The following ZFAND3 variants were observed in gnomAD, a reference collection of about 807,000 sequenced individuals.
The protein encoded by ZFAND3 is zinc finger AN1-type containing 3, also known as AN1-type zinc finger protein 3.
Under a neutral mutation model 29.6 loss-of-function variants are expected in ZFAND3, and 10 were observed. The ratio of observed to expected loss-of-function variants is 0.34; its 90% CI spans 0.21 to 0.57. The LOEUF (loss-of-function observed/expected upper bound fraction) is 0.57, where lower values mean the gene tolerates loss of function less well. Among genes scored for constraint, ZFAND3 ranks in the 20% least tolerant of loss-of-function variants. ZFAND3 has a pLI of 0.86. For missense variants in ZFAND3, 230 were observed against 304.5 expected (o/e 0.76, Z 1.82); for synonymous variants, 128 against 112.6 (o/e 1.14, Z -0.87).
chr6:37,848,414 C>T (rs1764220834), intron 1 of ZFAND3, among the ~76,000 whole-genome samples: 1 of 152,214 alleles, frequency 6.6e-6, no homozygotes. Flanking sequence ...GCTGTCAACA[C>T]CAGGGAATTC....
intron 2 of ZFAND3, among the ~76,000 whole-genome samples, chr6:37,999,166 C>G (rs1168150141): frequency 6.6e-6 from 1 of 152,126 alleles, no homozygotes; most frequent in Non-Finnish European, 1.5e-5. Context: ...GACACAGGAG[C>G]CAGCTGAAGA....
At chr6:37,996,208 A>G (rs1396625483) in intron 2 of ZFAND3, among the ~76,000 whole-genome samples, 1 of 152,134 alleles carries the variant, frequency 6.6e-6, no homozygotes, top group East Asian at 1.9e-4. Context: ...CAATGGTTAT[A>G]ATTTTCCAAC....
At chr6:37,890,044 ACT>A (rs1011939406) in intron 1 of ZFAND3, among the ~76,000 whole-genome samples, 1 of 152,140 alleles carries the variant, frequency 6.6e-6, no homozygotes, top group African/African-American at 2.4e-5. Context: ...CTCAATTCTT[ACT>A]TTTAGATAAT....
Position 38,153,103 on chromosome 6 carries a change from G to C in ZFAND3, c.*714G>C. ...AACGAGACCCGCCTTTTCTACACAG[G>C]ATCCAAGGTCACGAGAAGCAGCCAG... is the stretch of plus-strand genomic sequence containing the variant. On this transcript the variant is annotated 3_prime_UTR_variant, in exon 6 of 6. Transcript: ENST00000287218. 1.0e-6 allele frequency: 1 copy of C among 985,566 alleles called. No homozygotes were observed. Among genetic ancestry groups the C allele is most frequent in the Non-Finnish European group, 1.2e-6 (1 of 829,978 alleles). 61.1% of individuals were successfully genotyped at this position (985,566 alleles called of 1,614,324 possible).
At chr6:38,140,444 T>G (rs1765925217) in intron 5 of ZFAND3, among the ~76,000 whole-genome samples, 1 of 152,166 alleles carries the variant, frequency 6.6e-6, no homozygotes, top group Non-Finnish European at 1.5e-5. Flanking sequence ...TAAGTGATAA[T>G]TGAAAAGGGT....
At chr6:37,915,702 C>T (rs1341405337) in intron 1 of ZFAND3, 1 of 152,206 alleles carries the variant, frequency 6.6e-6, no homozygotes, top group Non-Finnish European at 1.5e-5. Flanking sequence ...AACTTGACTG[C>T]ATAATTTATG....
intron 1 of ZFAND3, among the ~76,000 whole-genome samples, chr6:37,921,737 G>A (rs1761383246): frequency 6.6e-6 from 1 of 152,062 alleles, no homozygotes; most frequent in South Asian, 2.1e-4. Flanking sequence ...CTGCCATCAA[G>A]TAAAAATTAA....
At chr6:38,010,904 C>CTT (rs35362297) in intron 2 of ZFAND3, among the ~76,000 whole-genome samples, 8,146 of 130,966 alleles carry the variant, frequency 0.062, 350 homozygotes, top group Middle Eastern at 0.094. Context: ...CCCGGCCCAA[C>CTT]TTTTTTTTTT....
chr6:37,845,188 C>T (rs1764156022), intron 1 of ZFAND3, among the ~76,000 whole-genome samples: 1 of 152,142 alleles, frequency 6.6e-6, no homozygotes, highest in Non-Finnish European at 1.5e-5. Flanking sequence ...AGGAGTAGCA[C>T]AGAGCTTGGG....
intron 3 of ZFAND3, 61 bp from the exon 4 acceptor site, chr6:38,082,331 G>C (rs1488577849): frequency 6.9e-7 from 1 of 1,444,666 alleles, no homozygotes; most frequent in Admixed American, 2.1e-5. Context: ...ACTCAGGAAA[G>C]CAACTATATG....
At chr6:38,060,538 C>T (rs879742665) in intron 2 of ZFAND3, among the ~76,000 whole-genome samples, 4 of 151,366 alleles carry the variant, frequency 2.6e-5, no homozygotes, top group Non-Finnish European at 5.9e-5. Context: ...TCCCTTTCCC[C>T]CTCTTTCTTT....
chr6:37,836,748 T>G (rs1313340290), intron 1 of ZFAND3, among the ~76,000 whole-genome samples: 1 of 152,192 alleles, frequency 6.6e-6, no homozygotes, highest in African/African-American at 2.4e-5. Context: ...ATATTTTCAC[T>G]TCTATTAACA....
chr6:38,103,478 TACAC>T (rs201882945), intron 4 of ZFAND3, among the ~76,000 whole-genome samples: 1 of 25,992 alleles, frequency 3.8e-5, no homozygotes, highest in Non-Finnish European at 1.0e-4. Flanking sequence ...TGTATATATA[TACAC>T]ACATATATAC....
At chr6:37,889,690 G>GT (rs1454202459) in intron 1 of ZFAND3, among the ~76,000 whole-genome samples, 1 of 152,220 alleles carries the variant, frequency 6.6e-6, no homozygotes, top group African/African-American at 2.4e-5. Context: ...GTCCTGGAAT[G>GT]TGCCATGGGG....
intron 2 of ZFAND3, among the ~76,000 whole-genome samples, chr6:38,041,627 ACTTTTTCTTCTTCTT>A (rs1763764515): frequency 7.5e-5 from 5 of 66,486 alleles, no homozygotes; most frequent in African/African-American, 1.9e-4. Context: ...TTTTTTATCT[ACTTTTTCTTCTTCTT>A]CTTCTTCTTC....
At chr6:37,965,160 A>AT (rs1307253174) in intron 2 of ZFAND3, among the ~76,000 whole-genome samples, 4 of 152,160 alleles carry the variant, frequency 2.6e-5, no homozygotes, top group African/African-American at 7.2e-5. Context: ...ATATGTCCTG[A>AT]TTTTTATTAT....
chr6:38,063,836 A>T (rs1764289549), intron 3 of ZFAND3, among the ~76,000 whole-genome samples: 1 of 152,208 alleles, frequency 6.6e-6, no homozygotes, highest in Admixed American at 6.5e-5. Context: ...TGGAGAAGTA[A>T]CCTTGGTTGT....
At chr6:37,965,543 A>G (rs565348684) in intron 2 of ZFAND3, among the ~76,000 whole-genome samples, 2 of 148,846 alleles carry the variant, frequency 1.3e-5, no homozygotes, top group South Asian at 4.3e-4. Flanking sequence ...TTGTTATTCC[A>G]CTGCTTCCCA....
chr6:37,913,708 C>CTTTTT lies in ZFAND3; in HGVS notation c.72-16236_72-16232dup, dbSNP rs56045448. On this transcript the variant is annotated intron_variant, in intron 1 of 5. Coordinates refer to ENST00000287218, the MANE Select transcript of ZFAND3 (RefSeq NM_021943.3). ...CCCAGCTGTCTATGGCAGCTATATTCTTTTTTTTTTTTTTTTTTTGAGACA... is the reference window on the plus strand; with the variant it reads ...CCCAGCTGTCTATGGCAGCTATATTCTTTTTTTTTTTTTTTTTTTTTTTTGAGACA... 2.6e-3 allele frequency among the ~76,000 whole-genome samples: 295 copies of CTTTTT among 113,020 alleles called. 6 individuals are homozygous for CTTTTT. Among genetic ancestry groups the CTTTTT allele is most frequent in the East Asian group, 0.012 (51 of 4,248 alleles). The allele number at this position is 113,020 out of a possible 152,430, so 74.1% of individuals were successfully genotyped here. A position where few individuals can be genotyped will look rare whatever the true frequency, so the allele number is the denominator to read the frequency against.
Sources: allele counts gnomAD v4.1 joint callset (sites outside exome capture counted in the v4.1 genomes callset), GRCh38; gene constraint gnomAD v4.1.1; transcripts MANE v1.5; gene names NCBI Gene and HGNC (gene_info 2026-07-23, HGNC 2026-07-21).